The following NRXN3 variants were observed in gnomAD, a reference collection of about 807,000 sequenced individuals.
The protein encoded by NRXN3 is neurexin III.
NRXN3 carries 32 observed loss-of-function variants against 137.6 expected under a neutral mutation model. That is an observed-to-expected ratio of 0.23 (90% CI 0.18 to 0.31). The LOEUF is 0.31. Among genes scored for constraint, NRXN3 ranks in the 10% least tolerant of loss-of-function variants. NRXN3 has a pLI of 1.00. For missense variants in NRXN3, 1,574 were observed against 2,062.5 expected, an observed-to-expected ratio of 0.76 and a Z score of 4.59; for synonymous variants, 798 against 784.5, an observed-to-expected ratio of 1.02 and a Z score of -0.29.
intron 11 of NRXN3, among the ~76,000 whole-genome samples, chr14:78,962,532 T>C (rs1385539344): frequency 1.3e-5 from 2 of 152,146 alleles, no homozygotes; most frequent in Non-Finnish European, 2.9e-5. Context: ...ATCACTACTA[T>C]TGATTAAATG....
chr14:79,104,231 A>G (rs2051926203), intron 15 of NRXN3, among the ~76,000 whole-genome samples: 1 of 152,212 alleles, frequency 6.6e-6, no homozygotes, highest in Admixed American at 6.6e-5. Flanking sequence ...TGTCAATAGG[A>G]CATGTGGAAA....
At chr14:78,638,103 A>G (rs888626734) in intron 4 of NRXN3, among the ~76,000 whole-genome samples, 1 of 152,134 alleles carries the variant, frequency 6.6e-6, no homozygotes, top group Non-Finnish European at 1.5e-5. Context: ...CCAAGTGACA[A>G]GTTGATTTAC....
chr14:78,339,534 T>C (rs1223120683), intron 4 of NRXN3, among the ~76,000 whole-genome samples: 2 of 152,018 alleles, frequency 1.3e-5, no homozygotes, highest in African/African-American at 4.8e-5. Context: ...TAGCCATAAG[T>C]GTGAGGAGAA....
At chr14:79,295,803 C>T (rs2083991009) in intron 15 of NRXN3, among the ~76,000 whole-genome samples, 1 of 152,202 alleles carries the variant, frequency 6.6e-6, no homozygotes, top group Non-Finnish European at 1.5e-5. Context: ...TTTCACGTTG[C>T]AGCTGACTCC....
chr14:78,176,215 G>A (rs2059250783), intron 1 of NRXN3, among the ~76,000 whole-genome samples: 1 of 152,146 alleles, frequency 6.6e-6, no homozygotes, highest in African/African-American at 2.4e-5. Context: ...CAGTAGTTTA[G>A]TAGAAAGGGC....
intron 19 of NRXN3, among the ~76,000 whole-genome samples, chr14:79,750,118 G>A (rs1485306123): frequency 6.6e-6 from 1 of 152,060 alleles, no homozygotes; most frequent in African/African-American, 2.4e-5. Context: ...GTAGGGGAAG[G>A]GCAGCAGAGA....
At chr14:79,257,409 GTGGTGA>G (rs2076782089) in intron 15 of NRXN3, among the ~76,000 whole-genome samples, 9 of 74,842 alleles carry the variant, frequency 1.2e-4, no homozygotes, top group African/African-American at 3.8e-4. Context: ...GGTGGTGGTG[GTGGTGA>G]TGGTGGTGAT....
intron 5 of NRXN3, chr14:78,649,233 T>G (rs546669587): frequency 7.5e-7 from 1 of 1,335,198 alleles, no homozygotes; most frequent in Non-Finnish European, 9.9e-7. Flanking sequence ...CTGTTCACAA[T>G]TTTTAATTTC....
chr14:78,375,583 C>T (rs983150), intron 4 of NRXN3, among the ~76,000 whole-genome samples: 149,103 of 152,318 alleles, frequency 0.98, 73,028 homozygotes, highest in Non-Finnish European at 1. Context: ...GAGACAATCC[C>T]TCCATGCTCT....
intron 15 of NRXN3, among the ~76,000 whole-genome samples, chr14:79,407,970 T>C (rs1386351664): frequency 6.6e-6 from 1 of 152,196 alleles, no homozygotes; most frequent in African/African-American, 2.4e-5. Flanking sequence ...TCATATCTTG[T>C]TTTAGGTTCT....
At chr14:78,735,409 C>T (rs990627735) in intron 8 of NRXN3, among the ~76,000 whole-genome samples, 1 of 152,114 alleles carries the variant, frequency 6.6e-6, no homozygotes, top group Non-Finnish European at 1.5e-5. Context: ...GAAATAACCC[C>T]TGGAGTCTGA....
chr14:78,570,246 C>A (rs2096877264), intron 4 of NRXN3, among the ~76,000 whole-genome samples: 1 of 152,064 alleles, frequency 6.6e-6, no homozygotes, highest in African/African-American at 2.4e-5. Flanking sequence ...GTTCCCTCAC[C>A]CTCTTTCTGC....
chr14:79,247,820 A>G (rs1255141073), intron 15 of NRXN3, among the ~76,000 whole-genome samples: 1 of 152,060 alleles, frequency 6.6e-6, no homozygotes, highest in Admixed American at 6.6e-5. Flanking sequence ...TTCAAAACCC[A>G]GGAGTTTTTC....
At chr14:78,688,922 G>T (rs962556585) in intron 6 of NRXN3, among the ~76,000 whole-genome samples, 5 of 151,874 alleles carry the variant, frequency 3.3e-5, no homozygotes, top group Admixed American at 3.3e-4. Context: ...AGAAATCAAG[G>T]AAAGAAAGTT....
chr14:78,938,236 T>A (rs763673746), intron 10 of NRXN3, among the ~76,000 whole-genome samples: 7 of 152,246 alleles, frequency 4.6e-5, no homozygotes, highest in Non-Finnish European at 1.0e-4. Flanking sequence ...GATGTTTAGA[T>A]GTTTGTCCAA....
At chr14:79,630,115 C>T (rs142512500) in intron 16 of NRXN3, among the ~76,000 whole-genome samples, 81 of 152,224 alleles carry the variant, frequency 5.3e-4, no homozygotes, top group Middle Eastern at 3.4e-3. Flanking sequence ...TGGGGCTCTT[C>T]GGAAAAAGAT....
At chr14:79,045,027 T>C (rs907770412) in intron 15 of NRXN3, among the ~76,000 whole-genome samples, 1 of 152,126 alleles carries the variant, frequency 6.6e-6, no homozygotes, top group Admixed American at 6.5e-5. Context: ...ATGGCGTCTC[T>C]TAAAAGAAAA....
chr14:79,230,024 A>C (rs1424376982), intron 15 of NRXN3, among the ~76,000 whole-genome samples: 1 of 152,142 alleles, frequency 6.6e-6, no homozygotes, highest in Non-Finnish European at 1.5e-5. Flanking sequence ...GGCTGATTAC[A>C]TACCCAGAGG....
At chr14:78,383,704 A>G (rs953990883) in intron 4 of NRXN3, among the ~76,000 whole-genome samples, 16 of 152,130 alleles carry the variant, frequency 1.1e-4, no homozygotes, top group African/African-American at 3.9e-4. Context: ...TGAATTAGCC[A>G]CTCATTGGGG....
Sources: gnomAD v4.1 joint callset for allele counts (sites outside exome capture counted in the v4.1 genomes callset) on GRCh38, gnomAD v4.1.1 for gene constraint, MANE v1.5 for transcripts, NCBI Gene and HGNC (gene_info 2026-07-23, HGNC 2026-07-21) for gene names.